LRRTM4: variants seen among roughly 807,000 people sequenced by gnomAD.
The protein encoded by LRRTM4 is leucine rich repeat transmembrane neuronal 4.
In LRRTM4, 25 loss-of-function variants were observed where a neutral mutation model predicts 47.6. The ratio of observed to expected loss-of-function variants is 0.53; its 90% CI spans 0.38 to 0.73. LRRTM4 has a LOEUF of 0.73. Among genes scored for constraint, LRRTM4 ranks in the 30% least tolerant of loss-of-function variants. LRRTM4 has a pLI of 0.00. For synonymous variants in LRRTM4, 311 were observed against 269.5 expected (o/e 1.15, Z -1.51); for missense variants, 638 against 713.4 (o/e 0.89, Z 1.20).
chr2:77,482,835 C>A (rs1291628546), intron 3 of LRRTM4, among the ~76,000 whole-genome samples: 5 of 152,122 alleles, frequency 3.3e-5, no homozygotes, highest in Non-Finnish European at 5.9e-5. Context: ...ATTATTCCAA[C>A]TTATTGGCCA....
intron 3 of LRRTM4, among the ~76,000 whole-genome samples, chr2:77,046,963 G>A (rs766482195): frequency 6.6e-6 from 1 of 151,998 alleles, no homozygotes; most frequent in Admixed American, 6.6e-5. Flanking sequence ...TGTTCTGCAT[G>A]AGCATATTCT....
intron 3 of LRRTM4, among the ~76,000 whole-genome samples, chr2:77,499,341 G>A (rs1678484471): frequency 6.6e-6 from 1 of 151,876 alleles, no homozygotes; most frequent in Admixed American, 6.6e-5. Flanking sequence ...GTCCAGAAAT[G>A]TGTCAATGGG....
chr2:77,487,097 GAC>G (rs1573481301), intron 3 of LRRTM4, among the ~76,000 whole-genome samples: 1 of 152,232 alleles, frequency 6.6e-6, no homozygotes, highest in Admixed American at 6.5e-5. Flanking sequence ...CTGCTGCAAA[GAC>G]ACCGGCTGCA....
At chr2:77,056,156 A>G (rs1392152660) in intron 3 of LRRTM4, among the ~76,000 whole-genome samples, 14 of 150,250 alleles carry the variant, frequency 9.3e-5, no homozygotes, top group Admixed American at 8.7e-4. Context: ...AAACCTGCAC[A>G]TTGTGCACAT....
At chr2:77,361,902 T>C (rs1030468276) in intron 3 of LRRTM4, among the ~76,000 whole-genome samples, 6 of 151,972 alleles carry the variant, frequency 3.9e-5, no homozygotes, top group Non-Finnish European at 8.8e-5. Flanking sequence ...CTAGCCAACA[T>C]GGTGAAACCC....
chr2:77,438,394 T>A (rs1198925650), intron 3 of LRRTM4, among the ~76,000 whole-genome samples: 1 of 9,638 alleles, frequency 1.0e-4, no homozygotes, highest in African/African-American at 3.2e-4. Context: ...ATCATGATAA[T>A]TTTTTTTTTT....
At chr2:76,794,725 C>CT (rs1558657513) in intron 3 of LRRTM4, among the ~76,000 whole-genome samples, 2 of 151,856 alleles carry the variant, frequency 1.3e-5, no homozygotes, top group Non-Finnish European at 2.9e-5. Flanking sequence ...CTGGCTAATT[C>CT]TTTGCTATGG....
chr2:76,989,203 TA>T (rs1472127253), intron 3 of LRRTM4, among the ~76,000 whole-genome samples: 2 of 151,840 alleles, frequency 1.3e-5, no homozygotes, highest in Non-Finnish European at 2.9e-5. Flanking sequence ...TGTCCCTGAA[TA>T]AAGTGACTGA....
At chr2:77,326,154 A>T (rs1670766466) in intron 3 of LRRTM4, among the ~76,000 whole-genome samples, 1 of 152,212 alleles carries the variant, frequency 6.6e-6, no homozygotes, top group East Asian at 1.9e-4. Context: ...TTATCATTAG[A>T]TCATACCATT....
intron 3 of LRRTM4, among the ~76,000 whole-genome samples, chr2:76,837,830 G>A (rs909287865): frequency 6.6e-6 from 1 of 151,722 alleles, no homozygotes; most frequent in Non-Finnish European, 1.5e-5. Context: ...GTAAACTATT[G>A]CAAGGACAAA....
chr2:77,095,125 C>G (rs181749800), intron 3 of LRRTM4, among the ~76,000 whole-genome samples: 3 of 152,126 alleles, frequency 2.0e-5, no homozygotes, highest in African/African-American at 7.2e-5. Flanking sequence ...AGACATTTCT[C>G]AACAGAAGAG....
In LRRTM4 at chr2:76,800,894, C is replaced by G. The variant is rs1016471683; in HGVS notation, c.1552-51978G>C. On this transcript the variant is annotated intron_variant, in intron 3 of 3. Coordinates refer to ENST00000409884, the MANE Select transcript of LRRTM4 (RefSeq NM_001134745.3). ...GCCATCAGAAAATGCAAATGAAAAC[C>G]ACAATGAGATACCATCAATGCTCAT... Among the ~76,000 whole-genome samples the G allele has an allele frequency of 3.0e-4, 46 of 151,306 alleles. 2 individuals carry two copies. Among genetic ancestry groups the G allele is most frequent in the Admixed American group, 3.0e-3 (45 of 15,068 alleles).
intron 3 of LRRTM4, among the ~76,000 whole-genome samples, chr2:77,060,630 A>C (rs1024104681): frequency 6.6e-6 from 1 of 152,174 alleles, no homozygotes; most frequent in Admixed American, 6.5e-5. Context: ...ATATTAAGGG[A>C]ATATCTATAT....
chr2:77,365,247 T>G (rs1672396884), intron 3 of LRRTM4, among the ~76,000 whole-genome samples: 1 of 152,060 alleles, frequency 6.6e-6, no homozygotes, highest in African/African-American at 2.4e-5. Context: ...AATGCTGCAG[T>G]CAATGAACAA....
At chr2:76,779,361 T>C (rs1455387161) in intron 3 of LRRTM4, among the ~76,000 whole-genome samples, 4 of 150,838 alleles carry the variant, frequency 2.7e-5, no homozygotes, top group African/African-American at 9.8e-5. Flanking sequence ...GACAGTGGGG[T>C]GTTAAAGTCT....
At chr2:76,889,862 G>C (rs899513684) in intron 3 of LRRTM4, among the ~76,000 whole-genome samples, 2 of 151,830 alleles carry the variant, frequency 1.3e-5, no homozygotes, top group Non-Finnish European at 2.9e-5. Flanking sequence ...AGGTGAGATT[G>C]AGGTAGGATG....
intron 3 of LRRTM4, among the ~76,000 whole-genome samples, chr2:77,024,206 G>T (rs1021221651): frequency 6.6e-6 from 1 of 152,092 alleles, no homozygotes; most frequent in Non-Finnish European, 1.5e-5. Context: ...GTAATTACGG[G>T]AATACAATTC....
At chr2:77,044,142 G>T (rs1410542090) in intron 3 of LRRTM4, among the ~76,000 whole-genome samples, 1 of 151,644 alleles carries the variant, frequency 6.6e-6, no homozygotes, top group South Asian at 2.1e-4. Context: ...ACTGCTCTTG[G>T]TATTAGAATA....
chr2:77,148,255 T>C (rs1050318329), intron 3 of LRRTM4, among the ~76,000 whole-genome samples: 4 of 152,174 alleles, frequency 2.6e-5, no homozygotes, highest in African/African-American at 9.6e-5. Context: ...ACTTTGAGAA[T>C]GCCTTGGGTG....
Sources: gnomAD v4.1 joint callset for allele counts (sites outside exome capture counted in the v4.1 genomes callset) on GRCh38, gnomAD v4.1.1 for gene constraint, MANE v1.5 for transcripts, NCBI Gene and HGNC (gene_info 2026-07-23, HGNC 2026-07-21) for gene names.